The following ZNF26 variants were observed in gnomAD, a reference collection of about 807,000 sequenced individuals.
ZNF26 encodes epididymis luminal protein 179.
ZNF26 carries 32 observed loss-of-function variants against 54.9 expected under a neutral mutation model. The ratio of observed to expected loss-of-function variants is 0.58; its 90% CI spans 0.44 to 0.78. ZNF26 has a LOEUF of 0.78. ZNF26 is among the 30% of genes least tolerant of loss of function. The pLI is 0.00. For missense variants in ZNF26, 524 were observed against 634.0 expected, an observed-to-expected ratio of 0.83 and a Z score of 1.86; for synonymous variants, 221 against 209.2, an observed-to-expected ratio of 1.06 and a Z score of -0.49.
chr12:132,991,032 C>T (rs920136295), intron 1 of ZNF26, among the ~76,000 whole-genome samples: 8 of 150,642 alleles, frequency 5.3e-5, no homozygotes, highest in Admixed American at 2.0e-4. Flanking sequence ...CTAATTTTTG[C>T]GTTTTTAGTA....
At position 133,019,517 on chromosome 12, in the gene ZNF26, T is replaced by G. The variant is rs1218872507; in HGVS notation, c.*8036T>G. 6.6e-6 allele frequency: 1 copy of G among 152,160 alleles called. No homozygotes were observed. Among genetic ancestry groups the G allele is most frequent in the Non-Finnish European group, 1.5e-5 (1 of 68,034 alleles). The allele number at this position is 152,160 out of a possible 1,614,324, so 9.4% of individuals were successfully genotyped here. ...GAAATGCAAATTAACCACAATCAGATATCATCCCTCTTCAGTTAAAATGGC... is the reference window on the plus strand; with the variant it reads ...GAAATGCAAATTAACCACAATCAGAGATCATCCCTCTTCAGTTAAAATGGC... On this transcript the variant is annotated 3_prime_UTR_variant, in exon 4 of 4. Transcript: ENST00000328654.
At chr12:132,988,704 T>G (rs1403868196) in intron 1 of ZNF26, among the ~76,000 whole-genome samples, 1 of 152,242 alleles carries the variant, frequency 6.6e-6, no homozygotes, top group African/African-American at 2.4e-5. Flanking sequence ...GCATTCAATC[T>G]GTAGATCAAG....
At chr12:132,999,687 G>A (rs1384553460) in intron 1 of ZNF26, among the ~76,000 whole-genome samples, 1 of 151,538 alleles carries the variant, frequency 6.6e-6, no homozygotes, top group Admixed American at 6.6e-5. Flanking sequence ...AGTTTTGAAA[G>A]TGTTGAAAAA....
In ZNF26 at chr12:133,001,779, C is replaced by T. The variant is rs940617853; in HGVS notation, c.34-5263C>T. On this transcript the variant is annotated intron_variant, in intron 1 of 3. Coordinates refer to ENST00000328654, the MANE Select transcript of ZNF26 (RefSeq NM_019591.4). This position sits in a 1 kb window ranked among gnomAD's most constrained non-coding sequence, Gnocchi z 4.7. ...CCTGTTTGAGGTGAGCTGCTGAACC[C>T]TCACTCCCCAGCTGCCTTTTGAGAG... 3.5e-6 allele frequency: 4 copies of T among 1,130,430 alleles called. No individual in the cohort carries two copies. The highest frequency in any genetic ancestry group is 4.7e-6 in the Non-Finnish European group (4 of 844,832). The allele number at this position is 1,130,430 out of a possible 1,614,324, so 70.0% of individuals were successfully genotyped here. A position where few individuals can be genotyped will look rare whatever the true frequency, so the allele number is the denominator to read the frequency against.
At chr12:133,006,358 C>G in intron 1 of ZNF26, 3 of 908,770 alleles carry the variant, frequency 3.3e-6, no homozygotes, top group Non-Finnish European at 3.9e-6. Context: ...ACTTCTTGAA[C>G]ACATCATGAA....
Position 133,011,361 on chromosome 12 carries a change from G to GTCATCTC in ZNF26, c.1486_1492dup (p.Ser498IlefsTer4). On this transcript the variant is annotated frameshift_variant, in exon 4 of 4. Coordinates refer to ENST00000328654, the MANE Select transcript of ZNF26 (RefSeq NM_019591.4). LOFTEE classifies it high-confidence loss of function. ...AATGTGGAAAAGCCTTCACTCAGAA[G>GTCATCTC]TCATCTCTCAGTGAACATCAGAGAG... 1 of 1,613,762 alleles carries GTCATCTC rather than the reference G, an allele frequency of 6.2e-7. No homozygotes were observed. The highest frequency in any genetic ancestry group is 8.5e-7 in the Non-Finnish European group (1 of 1,179,832).
chr12:133,010,796 G>C lies in ZNF26; in HGVS notation c.917G>C (p.Arg306Thr). 1 of 1,614,022 alleles carries C rather than the reference G, an allele frequency of 6.2e-7. No individual in the cohort carries two copies. Among genetic ancestry groups the C allele is most frequent in the Admixed American group, 1.7e-5 (1 of 60,018 alleles). ...SLKSPFVVHQ[R>T]THTGVKPHKC... ...AAGTCTCCATTCGTTGTACACCAGA[G>C]AACTCATACAGGAGTGAAACCCCAT... The change falls in exon 4 of 4, where the codon AGA (arginine) becomes ACA (threonine). Residue 306 changes from arginine to threonine, a missense_variant. By Grantham distance (71) the Arg-to-Thr change is moderately conservative. Transcript: ENST00000328654.
intron 1 of ZNF26, chr12:132,987,833 CGAGA>C (rs1952857107): frequency 1.5e-6 from 1 of 664,242 alleles, no homozygotes; most frequent in Non-Finnish European, 1.9e-6. Flanking sequence ...GCTAAAGAAA[CGAGA>C]GAAAGTTAGG....
At chr12:132,997,129 A>G (rs2137227894) in intron 1 of ZNF26, among the ~76,000 whole-genome samples, 1 of 152,332 alleles carries the variant, frequency 6.6e-6, no homozygotes, top group African/African-American at 2.4e-5. Flanking sequence ...GATTTATGGT[A>G]AGTACCTGGT....
At chr12:132,991,862 C>T (rs1296014221) in intron 1 of ZNF26, among the ~76,000 whole-genome samples, 2 of 151,772 alleles carry the variant, frequency 1.3e-5, no homozygotes, top group Non-Finnish European at 2.9e-5. Context: ...AAATATATAT[C>T]TGTGGCCGGG....
At chr12:132,991,654 A>AT (rs1404152735) in intron 1 of ZNF26, among the ~76,000 whole-genome samples, 1 of 148,302 alleles carries the variant, frequency 6.7e-6, no homozygotes, top group Non-Finnish European at 1.5e-5. Flanking sequence ...ACCTAAAAAA[A>AT]AAACCAGGTG....
In ZNF26 at chr12:133,019,156, A is replaced by T. The variant is rs1167188324; in HGVS notation, c.*7675A>T. 6.6e-6 allele frequency: 1 copy of T among 152,240 alleles called. No homozygotes were observed. Among genetic ancestry groups the T allele is most frequent in the African/African-American group, 2.4e-5 (1 of 41,466 alleles). The allele number at this position is 152,240 out of a possible 1,614,324, so 9.4% of individuals were successfully genotyped here. ...GAAAAGTATTTTGTAAAGATAAGTCATCAAGAAGATGTAACAATTATAAAT... is the reference window on the plus strand; with the variant it reads ...GAAAAGTATTTTGTAAAGATAAGTCTTCAAGAAGATGTAACAATTATAAAT... On this transcript the variant is annotated 3_prime_UTR_variant, in exon 4 of 4. Coordinates refer to ENST00000328654, the MANE Select transcript of ZNF26 (RefSeq NM_019591.4).
intron 1 of ZNF26, among the ~76,000 whole-genome samples, chr12:132,988,438 C>G (rs1313192955): frequency 6.7e-6 from 1 of 149,740 alleles, no homozygotes; most frequent in Non-Finnish European, 1.5e-5. Flanking sequence ...CAGATAGGGT[C>G]TCACTGTGTT....
chr12:132,988,769 A>G (rs1952882780), intron 1 of ZNF26, among the ~76,000 whole-genome samples: 1 of 152,158 alleles, frequency 6.6e-6, no homozygotes, highest in African/African-American at 2.4e-5. Flanking sequence ...AACATGTTAT[A>G]TCTCTCTATC....
chr12:133,007,026 G>T lies in ZNF26; in HGVS notation c.34-16G>T. On this transcript the variant is annotated splice_polypyrimidine_tract_variant and intron_variant, in intron 1 of 3. Transcript: ENST00000328654. ...ATGTAATTGCATCCAATTGAACAGGGTGTGTGTTATTTCAGGGATTATTGT... is the reference window on the plus strand; with the variant it reads ...ATGTAATTGCATCCAATTGAACAGGTTGTGTGTTATTTCAGGGATTATTGT... 3 of 1,614,016 alleles carry T rather than the reference G, an allele frequency of 1.9e-6. No homozygotes were observed. The highest frequency in any genetic ancestry group is 1.1e-5 in the South Asian group (1 of 91,072).
rs1953211346 is a variant in ZNF26 at position 133,001,187 on chromosome 12, G to A, written c.34-5855G>A. 6.6e-6 allele frequency among the ~76,000 whole-genome samples: 1 copy of A among 152,158 alleles called. No individual in the cohort carries two copies. The highest frequency in any genetic ancestry group is 2.1e-4 in the South Asian group (1 of 4,820). The stretch of plus-strand genomic sequence containing the variant: ...CATCACAGCCTCAGGCTTCCTGTCA[G>A]CCCTTCCCTAGTGCTCGTCGTGAGG... On this transcript the variant is annotated intron_variant, in intron 1 of 3. Transcript: ENST00000328654. The surrounding 1 kb of genome is among the most constrained non-coding windows in gnomAD (Gnocchi z 4.7).
rs1193864973 is a variant in ZNF26, at chr12:133,012,578, GTTTTTTTT to G, written c.*1121_*1128del. 1.4e-3 allele frequency: 51 copies of G among 37,664 alleles called. No individual in the cohort carries two copies. The highest frequency in any genetic ancestry group is 4.1e-3 in the African/African-American group (39 of 9,484). The allele number at this position is 37,664 out of a possible 1,614,324, so 2.3% of individuals were successfully genotyped here. On this transcript the variant is annotated 3_prime_UTR_variant, in exon 4 of 4. Coordinates refer to ENST00000328654, the MANE Select transcript of ZNF26 (RefSeq NM_019591.4). ...ATGTCTTTTGCTTTTTGTTGTTTGGGTTTTTTTTTTTTTTTTTTTTTTTTTTTTTTTGA... is the reference window on the plus strand; with the variant it reads ...ATGTCTTTTGCTTTTTGTTGTTTGGGTTTTTTTTTTTTTTTTTTTTTTTGA...
At position 133,007,448 on chromosome 12, in the gene ZNF26, A is replaced by T. The variant is rs2137252436; in HGVS notation, c.172A>T (p.Thr58Ser). 6.2e-7 allele frequency: 1 copy of T among 1,613,450 alleles called. No individual in the cohort carries two copies. The highest frequency in any genetic ancestry group is 8.5e-7 in the Non-Finnish European group (1 of 1,179,586). ...HNLISVGYHG[T>S]KPDLIFKLEQ... The stretch of plus-strand genomic sequence containing the variant: ...TTTCCCATCAACAGGGTATCATGGT[A>T]CCAAGCCTGACTTAATCTTCAAGTT... The change falls in exon 3 of 4, where the codon ACC becomes TCC. Residue 58 changes from threonine to serine, a missense_variant. Thr to Ser is a moderately conservative substitution (Grantham distance 58). Coordinates refer to ENST00000328654, the MANE Select transcript of ZNF26 (RefSeq NM_019591.4).
chr12:132,995,818 AT>A (rs1953069673), intron 1 of ZNF26, among the ~76,000 whole-genome samples: 1 of 152,014 alleles, frequency 6.6e-6, no homozygotes, highest in Admixed American at 6.5e-5. Context: ...TGCCTGGATA[AT>A]TTTTGTATAT....
Sources: gnomAD v4.1 joint callset for allele counts (sites outside exome capture counted in the v4.1 genomes callset) on GRCh38, gnomAD v4.1.1 for gene constraint, Gnocchi (gnomAD v3.1) non-coding constraint, MANE v1.5 for transcripts, NCBI Gene and HGNC (gene_info 2026-07-23, HGNC 2026-07-21) for gene names.